Variants in LHFPL3 observed in about 807,000 individuals in gnomAD.
The protein encoded by LHFPL3 is LHFPL tetraspan subfamily member 3 protein.
LHFPL3 carries 5 observed loss-of-function variants against 19.3 expected under a neutral mutation model. That is an observed-to-expected ratio of 0.26 (90% CI 0.14 to 0.54). LHFPL3 has a LOEUF of 0.54. Among genes scored for constraint, LHFPL3 ranks in the 20% least tolerant of loss-of-function variants. The probability of loss-of-function intolerance (pLI) is 0.94; values close to 1 mark genes in which losing one functional copy is unlikely to be tolerated. For synonymous variants in LHFPL3, 133 were observed against 126.2 expected, an observed-to-expected ratio of 1.05 and a Z score of -0.36; for missense variants, 249 against 307.4, an observed-to-expected ratio of 0.81 and a Z score of 1.42.
At chr7:104,655,905 C>T (rs1792112516) in intron 1 of LHFPL3, among the ~76,000 whole-genome samples, 1 of 152,038 alleles carries the variant, frequency 6.6e-6, no homozygotes, top group South Asian at 2.1e-4. Flanking sequence ...GCCAGAAAAG[C>T]ATTACATTTT....
chr7:104,371,810 T>C (rs1790621756), intron 1 of LHFPL3, among the ~76,000 whole-genome samples: 1 of 152,170 alleles, frequency 6.6e-6, no homozygotes, highest in East Asian at 1.9e-4. Flanking sequence ...CAGAATAAAG[T>C]GAGCTGTCTG....
intron 1 of LHFPL3, among the ~76,000 whole-genome samples, chr7:104,670,989 G>A (rs1395722092): frequency 6.6e-6 from 1 of 152,006 alleles, no homozygotes; most frequent in Non-Finnish European, 1.5e-5. Flanking sequence ...CATTTTTGTA[G>A]GGATCAGCTT....
intron 2 of LHFPL3, among the ~76,000 whole-genome samples, chr7:104,824,341 TA>T (rs1790760096): frequency 4.0e-5 from 1 of 25,302 alleles, no homozygotes; most frequent in Non-Finnish European, 6.6e-5. Context: ...ATAATATATA[TA>T]ATTATAGATA....
intron 2 of LHFPL3, among the ~76,000 whole-genome samples, chr7:104,813,027 T>C (rs994178798): frequency 6.6e-6 from 1 of 151,758 alleles, no homozygotes; most frequent in African/African-American, 2.4e-5. Flanking sequence ...GGCAGGAGAA[T>C]TGCTTGAACC....
At chr7:104,419,472 C>A (rs1446465722) in intron 1 of LHFPL3, among the ~76,000 whole-genome samples, 2 of 151,998 alleles carry the variant, frequency 1.3e-5, no homozygotes, top group Non-Finnish European at 2.9e-5. Flanking sequence ...TTTAATGACC[C>A]ATGGAATATA....
intron 1 of LHFPL3, among the ~76,000 whole-genome samples, chr7:104,444,347 T>G (rs1792286124): frequency 6.6e-6 from 1 of 152,202 alleles, no homozygotes; most frequent in Non-Finnish European, 1.5e-5. Flanking sequence ...GTTAAGCAAG[T>G]AGTAGGTTGT....
At chr7:104,735,111 G>T (rs1383881932) in intron 1 of LHFPL3, among the ~76,000 whole-genome samples, 1 of 152,234 alleles carries the variant, frequency 6.6e-6, no homozygotes, top group Non-Finnish European at 1.5e-5. Context: ...CGCCATGTGA[G>T]GTGTCAGTCT....
intron 2 of LHFPL3, among the ~76,000 whole-genome samples, chr7:104,897,663 T>G (rs1792393295): frequency 6.6e-6 from 1 of 152,218 alleles, no homozygotes; most frequent in Admixed American, 6.5e-5. Flanking sequence ...GGAACATCAC[T>G]TGGGTTTTTA....
intron 1 of LHFPL3, among the ~76,000 whole-genome samples, chr7:104,689,443 G>A (rs747235444): frequency 3.9e-5 from 6 of 152,160 alleles, no homozygotes; most frequent in African/African-American, 7.2e-5. Context: ...AAACTTCCAG[G>A]TTGAGTGGAC....
intron 1 of LHFPL3, among the ~76,000 whole-genome samples, chr7:104,520,708 C>A (rs1364426864): frequency 7.3e-6 from 1 of 137,012 alleles, no homozygotes; most frequent in Non-Finnish European, 1.6e-5. Context: ...TTATCTATTT[C>A]TTCTAGATTT....
chr7:104,882,670 G>A (rs1792079183), intron 2 of LHFPL3, among the ~76,000 whole-genome samples: 1 of 152,136 alleles, frequency 6.6e-6, no homozygotes, highest in South Asian at 2.1e-4. Context: ...AGTAGGTATG[G>A]GGTTTTCATG....
At chr7:104,798,942 T>G (rs1196217576) in intron 2 of LHFPL3, among the ~76,000 whole-genome samples, 1 of 152,210 alleles carries the variant, frequency 6.6e-6, no homozygotes, top group East Asian at 1.9e-4. Flanking sequence ...TGGTGTAAAC[T>G]GAGGAGGACT....
At chr7:104,893,960 A>C (rs1266524853) in intron 2 of LHFPL3, among the ~76,000 whole-genome samples, 1 of 152,152 alleles carries the variant, frequency 6.6e-6, no homozygotes, top group African/African-American at 2.4e-5. Context: ...TCAAAAAAAA[A>C]AAAAAATGCT....
At position 104,550,517 on chromosome 7, in the gene LHFPL3, A is replaced by G. The variant is rs961725945; in HGVS notation, c.446-186158A>G. On this transcript the variant is annotated intron_variant, in intron 1 of 2. Transcript: ENST00000424859. ...TCTGAAAAGCCACAGAATACATGAGAGGAAAAAGGTGGAAGAGAAGCTGGA... is the reference window on the plus strand; with the variant it reads ...TCTGAAAAGCCACAGAATACATGAGGGGAAAAAGGTGGAAGAGAAGCTGGA... 3.9e-5 allele frequency among the ~76,000 whole-genome samples: 6 copies of G among 152,190 alleles called. No individual in the cohort carries two copies. The South Asian group carries it at 8.3e-4, about 21-fold the overall frequency.
rs2116741876 is a variant in LHFPL3 at position 104,906,506 on chromosome 7, TAAGGAA to T, written c.*292_*297del. On this transcript the variant is annotated 3_prime_UTR_variant, in exon 3 of 3. Coordinates refer to ENST00000424859, the MANE Select transcript of LHFPL3 (RefSeq NM_199000.3). ...TTCATGAAAAATCATATTCAGGAAA[TAAGGAA>T]GAGGAATATAAATGCTCTAGAGTTA... The T allele has an allele frequency of 2.3e-6, 1 of 432,466 alleles. No individual in the cohort carries two copies. The highest frequency in any genetic ancestry group is 3.6e-5 in the East Asian group (1 of 27,606). 26.8% of individuals were successfully genotyped at this position (432,466 alleles called of 1,614,324 possible).
chr7:104,523,506 A>G (rs1213988775), intron 1 of LHFPL3, among the ~76,000 whole-genome samples: 1 of 152,186 alleles, frequency 6.6e-6, no homozygotes, highest in African/African-American at 2.4e-5. Context: ...TCATTAACCA[A>G]AGCTGATCAG....
At chr7:104,835,579 TTTTC>T (rs968165440) in intron 2 of LHFPL3, among the ~76,000 whole-genome samples, 16 of 66,324 alleles carry the variant, frequency 2.4e-4, no homozygotes, top group South Asian at 5.8e-4. Context: ...CAGAACTTTG[TTTTC>T]TTTTTTTTTT....
At chr7:104,784,000 GACACCA>G (rs1355275599) in intron 2 of LHFPL3, among the ~76,000 whole-genome samples, 5 of 152,166 alleles carry the variant, frequency 3.3e-5, no homozygotes, top group Non-Finnish European at 7.4e-5. Context: ...ATACAATGCA[GACACCA>G]AGCTGAGGAT....
At chr7:104,529,619 G>A (rs1794256566) in intron 1 of LHFPL3, among the ~76,000 whole-genome samples, 1 of 152,214 alleles carries the variant, frequency 6.6e-6, no homozygotes, top group Non-Finnish European at 1.5e-5. Flanking sequence ...CATCTCCCAT[G>A]TTAAAGTAGT....
Sources: allele counts gnomAD v4.1 joint callset (sites outside exome capture counted in the v4.1 genomes callset), GRCh38; gene constraint gnomAD v4.1.1; transcripts MANE v1.5; gene names NCBI Gene and HGNC (gene_info 2026-07-23, HGNC 2026-07-21).